The following SLC30A6 variants were observed in gnomAD, a reference collection of about 807,000 sequenced individuals.
SLC30A6 encodes solute carrier family 30 member 6.
A neutral mutation model predicts 63.0 loss-of-function variants in SLC30A6; 55 were observed. That is an observed-to-expected ratio of 0.87 (90% confidence interval 0.70 to 1.09). The LOEUF (loss-of-function observed/expected upper bound fraction) is 1.09, where lower values mean the gene tolerates loss of function less well. Ranked by LOEUF, SLC30A6 falls within the 50% of genes least tolerant of loss-of-function variation. SLC30A6 has a pLI of 0.00. For missense variants in SLC30A6, 587 were observed against 549.2 expected (o/e 1.07, Z -0.69); for synonymous variants, 224 against 186.1 (o/e 1.20, Z -1.66).
chr2:32,168,948 G>A (rs185140615), intron 1 of SLC30A6, among the ~76,000 whole-genome samples: 5 of 152,192 alleles, frequency 3.3e-5, no homozygotes, highest in Non-Finnish European at 7.4e-5. Flanking sequence ...TTGTCAGGAT[G>A]GCATCAGAAG....
At position 32,222,696 on chromosome 2, in the gene SLC30A6, C is replaced by T. The variant is rs951815637; in HGVS notation, c.*1983C>T. On this transcript the variant is annotated 3_prime_UTR_variant, in exon 14 of 14. Transcript: ENST00000282587. ...TACTTCGTAAAATGTAATAAGGCAACCTGTTCCTTGGCCTTTATCTTATGT... is the reference window on the plus strand; with the variant it reads ...TACTTCGTAAAATGTAATAAGGCAATCTGTTCCTTGGCCTTTATCTTATGT... 1.3e-5 allele frequency: 2 copies of T among 152,186 alleles called. No individual in the cohort carries two copies. The highest frequency in any genetic ancestry group is 2.9e-5 in the Non-Finnish European group (2 of 68,046). 9.4% of individuals were successfully genotyped at this position (152,186 alleles called of 1,614,324 possible).
intron 10 of SLC30A6, chr2:32,201,604 C>T: frequency 6.7e-7 from 1 of 1,500,212 alleles, no homozygotes; most frequent in South Asian, 1.2e-5. Context: ...CCAGTAATGC[C>T]TGGGAAACTC....
chr2:32,190,185 G>A (rs149736805), intron 5 of SLC30A6, among the ~76,000 whole-genome samples: 9 of 152,136 alleles, frequency 5.9e-5, no homozygotes, highest in African/African-American at 9.6e-5. Flanking sequence ...TAGGCCGGGC[G>A]CGGTGGCTCA....
At chr2:32,195,475 A>G (rs1683708452) in intron 8 of SLC30A6, among the ~76,000 whole-genome samples, 1 of 151,908 alleles carries the variant, frequency 6.6e-6, no homozygotes, top group Non-Finnish European at 1.5e-5. Context: ...GAATATTTTA[A>G]AATATTTTAT....
At chr2:32,196,824 G>A (rs1683831508) in intron 8 of SLC30A6, among the ~76,000 whole-genome samples, 1 of 152,124 alleles carries the variant, frequency 6.6e-6, no homozygotes. Flanking sequence ...ACTTTGGGAG[G>A]CCGAGGCAGG....
chr2:32,197,171 G>C (rs1377681821), intron 8 of SLC30A6, 173 bp from the exon 9 acceptor site: 1 of 584,770 alleles, frequency 1.7e-6, no homozygotes, highest in Non-Finnish European at 3.0e-6. Context: ...TTTTGAATTA[G>C]TGGCATAAGG....
At chr2:32,209,712 C>G (rs1558421447) in intron 13 of SLC30A6, 151 bp downstream of exon 13, 7 of 662,444 alleles carry the variant, frequency 1.1e-5, no homozygotes, top group Non-Finnish European at 1.7e-5. Context: ...ATTCAATTAC[C>G]TAATTGAGGG....
chr2:32,210,536 A>AAAC (rs1558422440), intron 13 of SLC30A6, among the ~76,000 whole-genome samples: 3 of 141,138 alleles, frequency 2.1e-5, no homozygotes, highest in Non-Finnish European at 3.1e-5. Context: ...AAAAAAAAAA[A>AAAC]AACAACAGAA....
At chr2:32,167,993 CCAG>C (rs1345103207) in intron 1 of SLC30A6, among the ~76,000 whole-genome samples, 1 of 152,122 alleles carries the variant, frequency 6.6e-6, no homozygotes, top group East Asian at 1.9e-4. Flanking sequence ...ACCCTAATTC[CCAG>C]AGCTTTGTAG....
chr2:32,206,450 AAAG>A (rs1023560649), intron 11 of SLC30A6, among the ~76,000 whole-genome samples: 13 of 152,210 alleles, frequency 8.5e-5, no homozygotes, highest in African/African-American at 3.1e-4. Flanking sequence ...CAAAAAAAAA[AAAG>A]GCAGTTTCCC....
chr2:32,190,366 G>A (rs538032320), intron 5 of SLC30A6, among the ~76,000 whole-genome samples: 107 of 151,560 alleles, frequency 7.1e-4, no homozygotes, highest in South Asian at 1.5e-3. Flanking sequence ...GGCTGAGGCA[G>A]GAGAATCACT....
rs548175467 is a variant in SLC30A6, at chr2:32,168,313, A to T, written c.3+2410A>T. Among the ~76,000 whole-genome samples, 12 of 151,768 alleles carry T rather than the reference A, an allele frequency of 7.9e-5. No individual in the cohort carries two copies. The East Asian group carries it at 2.3e-3, about 29-fold the overall frequency. ...AGTATTAGTCATGCAGGGAAACAGTATTTAAGGTTTATTTTTTAAAATAAA... is the reference window on the plus strand; with the variant it reads ...AGTATTAGTCATGCAGGGAAACAGTTTTTAAGGTTTATTTTTTAAAATAAA... On this transcript the variant is annotated intron_variant, in intron 1 of 13. Transcript: ENST00000282587.
chr2:32,213,181 A>G (rs1156891364), intron 13 of SLC30A6, among the ~76,000 whole-genome samples: 2 of 152,068 alleles, frequency 1.3e-5, no homozygotes, highest in South Asian at 2.1e-4. Flanking sequence ...TGTTGGGATT[A>G]CAGGCACGAG....
chr2:32,206,647 GTTGT>G (rs938445684), intron 11 of SLC30A6, among the ~76,000 whole-genome samples: 17 of 152,050 alleles, frequency 1.1e-4, no homozygotes, highest in African/African-American at 2.2e-4. Context: ...TGGTTGGTTG[GTTGT>G]TTAAGTGTTA....
chr2:32,193,788 CCACTT>C, intron 7 of SLC30A6, 96 bp from the exon 8 acceptor site: 2 of 866,524 alleles, frequency 2.3e-6, no homozygotes, highest in Non-Finnish European at 3.7e-6. Flanking sequence ...TTAAAGCAGA[CCACTT>C]TACCTTCCCA....
intron 13 of SLC30A6, among the ~76,000 whole-genome samples, chr2:32,212,930 A>G (rs1217124823): frequency 2.4e-5 from 3 of 127,204 alleles, no homozygotes; most frequent in Non-Finnish European, 4.7e-5. Flanking sequence ...TTAAGGAGAC[A>G]GCGTCCTGCC....
chr2:32,181,375 T>C (rs1682293053), intron 4 of SLC30A6, among the ~76,000 whole-genome samples: 1 of 152,142 alleles, frequency 6.6e-6, no homozygotes, highest in Non-Finnish European at 1.5e-5. Flanking sequence ...TAACCCTGAT[T>C]TGAGGATTAT....
rs371352529 is a variant in SLC30A6, at chr2:32,220,711, T to C, written c.1384T>C (p.Ter462ArgextTer1). 5.6e-6 allele frequency: 9 copies of C among 1,607,078 alleles called. No individual in the cohort carries two copies. The African/African-American group carries it at 6.7e-5, about 12-fold the overall frequency. ...TAATAGAATTGGACAACCAAGACCA[T>C]GATAGACTCTAACTTATTTTTATAA... is the stretch of plus-strand genomic sequence containing the variant. ...TNNRIGQPRP[*>R] Residue 462 changes from the stop codon to arginine (R), a stop_lost, in exon 14 of 14, where the codon TGA becomes CGA. Transcript: ENST00000282587.
chr2:32,207,817 C>T (rs762669596), intron 12 of SLC30A6, among the ~76,000 whole-genome samples: 1 of 148,836 alleles, frequency 6.7e-6, no homozygotes, highest in Non-Finnish European at 1.5e-5. Flanking sequence ...TCTTCTGCCT[C>T]AGCCTCCCAA....
Sources: gnomAD v4.1 joint callset for allele counts (sites outside exome capture counted in the v4.1 genomes callset) on GRCh38, gnomAD v4.1.1 for gene constraint, MANE v1.5 for transcripts, NCBI Gene and HGNC (gene_info 2026-07-23, HGNC 2026-07-21) for gene names.